The following TRAF7 variants were observed in gnomAD, a reference collection of about 807,000 sequenced individuals.
TRAF7 encodes the protein E3 ubiquitin-protein ligase TRAF7.
A neutral mutation model predicts 89.3 loss-of-function variants in TRAF7; 45 were observed. The observed-to-expected ratio is 0.50, with a 90% CI of 0.40 to 0.65. The LOEUF is 0.65. TRAF7 is among the 30% of genes least tolerant of loss of function. The probability of loss-of-function intolerance (pLI) is 0.00; values close to 1 mark genes in which losing one functional copy is unlikely to be tolerated. For missense variants in TRAF7, 677 were observed against 918.1 expected (o/e 0.74, Z 3.39); for synonymous variants, 406 against 369.2 (o/e 1.10, Z -1.14).
Position 2,158,777 on chromosome 16 carries a change from G to A in TRAF7, c.-39+2919G>A, listed in dbSNP as rs1052919457. On this transcript the variant is annotated intron_variant, in intron 1 of 20. Transcript: ENST00000326181. This position sits in a 1 kb window ranked among gnomAD's most constrained non-coding sequence, Gnocchi z 4.7. The stretch of plus-strand genomic sequence containing the variant: ...GGAAGCGTGGGCTCGGCGGGGGGGG[G>A]GGGGACACTGCCACCCTTGGCTCTT... Among the ~76,000 whole-genome samples, 1 of 151,256 alleles carries A rather than the reference G, an allele frequency of 6.6e-6. No individual in the cohort carries two copies. The highest frequency in any genetic ancestry group is 2.1e-4 in the South Asian group (1 of 4,730).
intron 2 of TRAF7, 46 bp from the exon 3 acceptor site, chr16:2,165,833 C>T (rs2093084333): frequency 1.9e-6 from 3 of 1,612,550 alleles, no homozygotes; most frequent in Non-Finnish European, 2.5e-6. Flanking sequence ...TGCACGTCCT[C>T]CTTGTGTCCC....
chr16:2,171,929 G>C (rs1297279944), intron 7 of TRAF7, among the ~76,000 whole-genome samples: 1 of 152,180 alleles, frequency 6.6e-6, no homozygotes, highest in Non-Finnish European at 1.5e-5. Context: ...CACGGCGCCC[G>C]CTCCTGCCTG....
chr16:2,157,027 C>G (rs926833588), intron 1 of TRAF7, among the ~76,000 whole-genome samples: 3 of 152,128 alleles, frequency 2.0e-5, no homozygotes, highest in Non-Finnish European at 4.4e-5. Context: ...GGGTGAGGGG[C>G]TGCTGGCTTG....
chr16:2,159,305 C>G lies in TRAF7; in HGVS notation c.-39+3447C>G, dbSNP rs1312642674. On this transcript the variant is annotated intron_variant, in intron 1 of 20. Coordinates refer to ENST00000326181, the MANE Select transcript of TRAF7 (RefSeq NM_032271.3). The surrounding 1 kb of genome is among the most constrained non-coding windows in gnomAD (Gnocchi z 6.5). ...GGGACAGGCAAGGGGGTTCGCCGTG[C>G]TAGGAGGGAAGCGGGGCCAAGCCGG... 6.6e-6 allele frequency among the ~76,000 whole-genome samples: 1 copy of G among 151,986 alleles called. No homozygotes were observed. Among genetic ancestry groups the G allele is most frequent in the Non-Finnish European group, 1.5e-5 (1 of 67,918 alleles).
chr16:2,158,972 A>G lies in TRAF7; in HGVS notation c.-39+3114A>G, dbSNP rs937360671. ...CCTCATCCTCCAGGAAGCCCTCTGG[A>G]CTTCCCCTCGACTGGGCCAGGTCCC... is the stretch of plus-strand genomic sequence containing the variant. On this transcript the variant is annotated intron_variant, in intron 1 of 20. Coordinates refer to ENST00000326181, the MANE Select transcript of TRAF7 (RefSeq NM_032271.3). This position sits in a 1 kb window ranked among gnomAD's most constrained non-coding sequence, Gnocchi z 4.7. Among the ~76,000 whole-genome samples the G allele has an allele frequency of 2.6e-5, 4 of 152,088 alleles. No individual in the cohort carries two copies. The highest frequency in any genetic ancestry group is 9.7e-5 in the African/African-American group (4 of 41,386).
In TRAF7 at chr16:2,170,542, G is replaced by A. The variant is rs1446580595; in HGVS notation, c.232-72G>A. On this transcript the variant is annotated intron_variant, in intron 4 of 20. Coordinates refer to ENST00000326181, the MANE Select transcript of TRAF7 (RefSeq NM_032271.3). ...GCTGCTGCCCTCGCGCTTCCGCCGG[G>A]CTGGGTCCTGTCCTCCCCGAGGCTC... 8.3e-6 allele frequency: 10 copies of A among 1,202,532 alleles called. No individual in the cohort carries two copies. In the Admixed American group the frequency reaches 1.1e-4, roughly 13 times the overall value. The allele number at this position is 1,202,532 out of a possible 1,614,324, so 74.5% of individuals were successfully genotyped here.
chr16:2,172,416 G>T (rs1409708255), intron 8 of TRAF7, 42 bp downstream of exon 8: 1 of 1,610,674 alleles, frequency 6.2e-7, no homozygotes, highest in East Asian at 2.2e-5. Flanking sequence ...CCTGGGGGCT[G>T]CTTCTCAGGG....
rs1041322736 is a variant in TRAF7 at position 2,164,189 on chromosome 16, C to T, written c.81+188C>T. 5.0e-4 allele frequency among the ~76,000 whole-genome samples: 71 copies of T among 140,912 alleles called. No homozygotes were observed. Among genetic ancestry groups the T allele is most frequent in the African/African-American group, 1.5e-3 (57 of 37,124 alleles). The allele number at this position is 140,912 out of a possible 152,430, so 92.4% of individuals were successfully genotyped here. ...GCGCGCGCGCGCGCGCGCACGCGTG[C>T]GTGTGTGGTTGGGGCGTGTTAGTGC... is the stretch of plus-strand genomic sequence containing the variant. On this transcript the variant is annotated intron_variant, in intron 2 of 20. Transcript: ENST00000326181.
intron 5 of TRAF7, 111 bp downstream of exon 5, chr16:2,170,841 C>T: frequency 1.9e-6 from 2 of 1,073,490 alleles, no homozygotes; most frequent in Non-Finnish European, 2.7e-6. Context: ...GAGAGGGCGG[C>T]TGGGGCCTGA....
rs550688893 is a variant in TRAF7 at position 2,175,638 on chromosome 16, C to G, written c.1626+16C>G. 4.3e-6 allele frequency: 7 copies of G among 1,609,196 alleles called. No individual in the cohort carries two copies. In the South Asian group the frequency reaches 5.5e-5, roughly 13 times the overall value. ...GACAATCAAGGTGCGCTTGGGCACA[C>G]CTGGTGGCCACAGGGCCTTGCCTCC... On this transcript the variant is annotated intron_variant, in intron 17 of 20. Coordinates refer to ENST00000326181, the MANE Select transcript of TRAF7 (RefSeq NM_032271.3).
rs1429120910 is a variant in TRAF7 at position 2,177,007 on chromosome 16, A to G, written c.*433A>G. ...GGCCTTGAGGTTGGTGTGCACAGGC[A>G]CTGGCTGCTGTGAGTGGGGGGGCAT... On this transcript the variant is annotated 3_prime_UTR_variant, in exon 21 of 21. Coordinates refer to ENST00000326181, the MANE Select transcript of TRAF7 (RefSeq NM_032271.3). 4 of 355,058 alleles carry G rather than the reference A, an allele frequency of 1.1e-5. No homozygotes were observed. The highest frequency in any genetic ancestry group is 2.1e-5 in the Non-Finnish European group (4 of 188,968). The allele number at this position is 355,058 out of a possible 1,614,324, so 22.0% of individuals were successfully genotyped here.
chr16:2,170,198 C>T (rs960553929), intron 4 of TRAF7, among the ~76,000 whole-genome samples: 6 of 152,240 alleles, frequency 3.9e-5, no homozygotes, highest in Non-Finnish European at 7.3e-5. Context: ...GCCCAGCCGT[C>T]GCTCCCTGCC....
chr16:2,171,427 C>T (rs555743638), intron 6 of TRAF7, 71 bp downstream of exon 6: 11 of 1,533,930 alleles, frequency 7.2e-6, no homozygotes, highest in Middle Eastern at 1.7e-4. Context: ...TCTCGGGGGC[C>T]GGGGCTGTGG....
At chr16:2,166,100 C>T (rs898832035) in intron 3 of TRAF7, among the ~76,000 whole-genome samples, 164 bp downstream of exon 3, 1 of 152,254 alleles carries the variant, frequency 6.6e-6, no homozygotes, top group African/African-American at 2.4e-5. Context: ...GCCTCTCAGC[C>T]CTGGGCCTCC....
Position 2,159,422 on chromosome 16 carries a change from C to G in TRAF7, c.-39+3564C>G, listed in dbSNP as rs574134362. 2.0e-5 allele frequency among the ~76,000 whole-genome samples: 3 copies of G among 152,338 alleles called. No individual in the cohort carries two copies. The highest frequency in any genetic ancestry group is 2.9e-5 in the Non-Finnish European group (2 of 68,032). ...ACCCCAGGAGCCTTCGACGTCACAC[C>G]CTGCCTATTTGGGATGGAAAAAACG... On this transcript the variant is annotated intron_variant, in intron 1 of 20. Transcript: ENST00000326181. The surrounding 1 kb of genome is among the most constrained non-coding windows in gnomAD (Gnocchi z 6.5).
In TRAF7 at chr16:2,174,043, A is replaced by G. The variant is rs1413057071; in HGVS notation, c.1258A>G (p.Ile420Val). The change falls in exon 13 of 21, where the codon ATC (isoleucine) becomes GTC (valine). Residue 420 changes from isoleucine to valine, a missense_variant. Coordinates refer to ENST00000326181, the MANE Select transcript of TRAF7 (RefSeq NM_032271.3). ...CTTCAGTGGCTCCTCTGACAAGACC[A>G]TCAAGGTGGGCAGGGTCCTACCTCA... ...LLFSGSSDKTIKVWDTCTTYK... is the reference protein window; with the variant it reads ...LLFSGSSDKTVKVWDTCTTYK... The G allele has an allele frequency of 1.2e-6, 2 of 1,613,138 alleles. No homozygotes were observed. The highest frequency in any genetic ancestry group is 2.2e-5 in the East Asian group (1 of 44,872).
At chr16:2,156,325 A>G (rs1281898450) in intron 1 of TRAF7, among the ~76,000 whole-genome samples, 2 of 152,144 alleles carry the variant, frequency 1.3e-5, no homozygotes, top group Non-Finnish European at 1.5e-5. Flanking sequence ...TGGCCGCTAG[A>G]TACCAGTAAA....
intron 5 of TRAF7, 25 bp from the exon 6 acceptor site, chr16:2,171,239 G>A (rs907532375): frequency 1.7e-5 from 26 of 1,533,016 alleles, no homozygotes; most frequent in Non-Finnish European, 2.2e-5. Flanking sequence ...TCCCGCCATC[G>A]CCTGCCTTTC....
chr16:2,169,811 G>A (rs1400509258), intron 4 of TRAF7, among the ~76,000 whole-genome samples: 2 of 152,224 alleles, frequency 1.3e-5, no homozygotes, highest in South Asian at 4.1e-4. Flanking sequence ...CGCCGGCCTT[G>A]GGACTGGTTT....
Sources: gnomAD v4.1 joint callset for allele counts (sites outside exome capture counted in the v4.1 genomes callset) on GRCh38, gnomAD v4.1.1 for gene constraint, Gnocchi (gnomAD v3.1) non-coding constraint, MANE v1.5 for transcripts, NCBI Gene and HGNC (gene_info 2026-07-23, HGNC 2026-07-21) for gene names.